CELF4: variants seen among roughly 807,000 people sequenced by gnomAD.
CELF4 encodes the protein CUG-BP- and ETR-3-like factor 4.
In CELF4, 18 loss-of-function variants were observed where a neutral mutation model predicts 59.9. The ratio of observed to expected loss-of-function variants is 0.30; its 90% CI spans 0.21 to 0.45. The LOEUF (loss-of-function observed/expected upper bound fraction) is 0.45. CELF4 is among the 20% of genes least tolerant of loss of function. The pLI is 1.00. For synonymous variants in CELF4, 261 were observed against 267.1 expected (o/e 0.98, Z 0.22); for missense variants, 456 against 689.0 (o/e 0.66, Z 3.79).
At chr18:37,565,099 C>T (rs1178845752) in intron 1 of CELF4, among the ~76,000 whole-genome samples, 1 of 152,152 alleles carries the variant, frequency 6.6e-6, no homozygotes, top group Non-Finnish European at 1.5e-5. Flanking sequence ...TCCCCTCTCT[C>T]TTTCTCTTCA....
chr18:37,543,222 T>A (rs937661628), intron 1 of CELF4, among the ~76,000 whole-genome samples: 1 of 152,194 alleles, frequency 6.6e-6, no homozygotes, highest in Non-Finnish European at 1.5e-5. Flanking sequence ...GTGACCCATT[T>A]CATTCCCATC....
chr18:37,504,477 T>C (rs993569526), intron 1 of CELF4, among the ~76,000 whole-genome samples: 4 of 142,188 alleles, frequency 2.8e-5, no homozygotes, highest in Non-Finnish European at 4.6e-5. Flanking sequence ...AAAAAAAGGA[T>C]GGGGCTTGCA....
chr18:37,442,324 C>T (rs2099733818), intron 2 of CELF4, among the ~76,000 whole-genome samples: 1 of 152,168 alleles, frequency 6.6e-6, no homozygotes, highest in South Asian at 2.1e-4. Context: ...GTTGAGAATC[C>T]ACACTCAATA....
At chr18:37,495,534 C>A (rs1264629685) in intron 1 of CELF4, among the ~76,000 whole-genome samples, 1 of 152,186 alleles carries the variant, frequency 6.6e-6, no homozygotes, top group Non-Finnish European at 1.5e-5. Flanking sequence ...CATGCCCCAT[C>A]TGAGGCTCCA....
intron 1 of CELF4, among the ~76,000 whole-genome samples, chr18:37,522,475 A>C (rs2099958620): frequency 6.6e-6 from 1 of 152,086 alleles, no homozygotes; most frequent in Admixed American, 6.5e-5. Flanking sequence ...CTCTCCATTG[A>C]GACCCTGCCA....
chr18:37,383,963 C>T (rs903112790), intron 2 of CELF4, among the ~76,000 whole-genome samples: 4 of 152,052 alleles, frequency 2.6e-5, no homozygotes, highest in Admixed American at 6.6e-5. Context: ...GGGGGCGGTG[C>T]GTGGAGGCTG....
intron 3 of CELF4, among the ~76,000 whole-genome samples, chr18:37,307,566 G>A (rs547126148): frequency 6.6e-6 from 1 of 152,192 alleles, no homozygotes; most frequent in South Asian, 2.1e-4. Context: ...AATGTCAGTG[G>A]CATCGGCCCC....
chr18:37,346,775 GA>G (rs1162119417), intron 2 of CELF4, among the ~76,000 whole-genome samples: 17 of 152,156 alleles, frequency 1.1e-4, no homozygotes, highest in Non-Finnish European at 2.4e-4. Context: ...GGGATTGGCA[GA>G]GCCTGGCAGG....
chr18:37,367,504 G>A (rs1268295158), intron 2 of CELF4, among the ~76,000 whole-genome samples: 1 of 151,972 alleles, frequency 6.6e-6, no homozygotes, highest in African/African-American at 2.4e-5. Context: ...GGCCTTTCTT[G>A]TCCTGCATAA....
At chr18:37,277,972 C>T (rs931784246) in intron 3 of CELF4, among the ~76,000 whole-genome samples, 11 of 152,214 alleles carry the variant, frequency 7.2e-5, no homozygotes, top group Admixed American at 2.6e-4. Context: ...TCCTCGCCTT[C>T]GCCTCTCCTG....
chr18:37,322,360 C>T (rs762805205), intron 2 of CELF4, among the ~76,000 whole-genome samples: 2 of 152,264 alleles, frequency 1.3e-5, no homozygotes, highest in Non-Finnish European at 2.9e-5. Flanking sequence ...CGTACCAGCT[C>T]GCAGAAGTGG....
chr18:37,253,938 C>A lies in CELF4; in HGVS notation c.1334G>T (p.Gly445Val). The A allele has an allele frequency of 6.2e-7, 1 of 1,602,898 alleles. No homozygotes were observed. Among genetic ancestry groups the A allele is most frequent in the Non-Finnish European group, 8.5e-7 (1 of 1,175,202 alleles). ...GGCCGGGTTGTCGAAGCTCACGAAGCCTGGCGAGACACGAGGGACGAGGGC... is the reference window on the plus strand; with the variant it reads ...GGCCGGGTTGTCGAAGCTCACGAAGACTGGCGAGACACGAGGGACGAGGGC... ...AELMQMFLPF[G>V]FVSFDNPASA... Residue 445 changes from glycine to valine, a missense_variant and splice_region_variant, in exon 12 of 13, where the codon GGC becomes GTC. Gly to Val is a moderately radical substitution (Grantham distance 109, BLOSUM62 -3). This residue lies in a region of CELF4 where 256 missense variants were observed against 340.8 expected (regional missense o/e 0.75). Coordinates refer to ENST00000420428, the MANE Select transcript of CELF4 (RefSeq NM_020180.4). The surrounding 1 kb of genome is among the most constrained non-coding windows in gnomAD (Gnocchi z 4.5).
chr18:37,406,615 C>G (rs1174088611), intron 2 of CELF4, among the ~76,000 whole-genome samples: 2 of 152,104 alleles, frequency 1.3e-5, no homozygotes, highest in Non-Finnish European at 2.9e-5. Context: ...TATACCTGAC[C>G]CATTTGTTAC....
chr18:37,322,580 TC>T (rs1232021326), intron 2 of CELF4, among the ~76,000 whole-genome samples: 1 of 152,168 alleles, frequency 6.6e-6, no homozygotes, highest in African/African-American at 2.4e-5. Flanking sequence ...CTCTTCCCTC[TC>T]GGGGATCTGT....
At chr18:37,383,311 G>A (rs539777850) in intron 2 of CELF4, among the ~76,000 whole-genome samples, 1 of 152,296 alleles carries the variant, frequency 6.6e-6, no homozygotes, top group South Asian at 2.1e-4. Context: ...GGGTGGTGCT[G>A]CAGCAGGAAA....
At chr18:37,377,249 G>C (rs570914229) in intron 2 of CELF4, among the ~76,000 whole-genome samples, 5 of 152,290 alleles carry the variant, frequency 3.3e-5, no homozygotes, top group African/African-American at 1.2e-4. Flanking sequence ...GCTGTCCACT[G>C]CCTGGTAAGA....
chr18:37,346,231 G>C (rs1217125741), intron 2 of CELF4, among the ~76,000 whole-genome samples: 3 of 152,200 alleles, frequency 2.0e-5, no homozygotes, highest in Non-Finnish European at 4.4e-5. Flanking sequence ...CTGCATTCCG[G>C]CATCACTTTA....
At position 37,352,523 on chromosome 18, in the gene CELF4, T is replaced by C. The variant is rs373392591; in HGVS notation, c.370-30642A>G. Among the ~76,000 whole-genome samples, 14 of 151,560 alleles carry C rather than the reference T, an allele frequency of 9.2e-5. No homozygotes were observed. The East Asian group carries it at 2.1e-3, about 23-fold the overall frequency. On this transcript the variant is annotated intron_variant, in intron 2 of 12. Transcript: ENST00000420428. ...CTGGAGGATCCCTTGAGGCCAGGAG[T>C]TCGAGACTGCAGTGAGCTATGATTG...
chr18:37,435,012 G>C (rs2099685735), intron 2 of CELF4, among the ~76,000 whole-genome samples: 1 of 152,044 alleles, frequency 6.6e-6, no homozygotes, highest in Admixed American at 6.5e-5. Flanking sequence ...CAGGAGGGGG[G>C]GATCCAGGGG....
Sources: gnomAD v4.1 joint callset for allele counts (sites outside exome capture counted in the v4.1 genomes callset) on GRCh38, gnomAD v4.1.1 for gene constraint, gnomAD v4.1.1 regional missense constraint, Gnocchi (gnomAD v3.1) non-coding constraint, MANE v1.5 for transcripts, NCBI Gene and HGNC (gene_info 2026-07-23, HGNC 2026-07-21) for gene names.